UGT2B15: variants seen among roughly 807,000 people sequenced by gnomAD.
UGT2B15 encodes UDP-glucuronosyltransferase 2B15.
Under a neutral mutation model 45.9 loss-of-function variants are expected in UGT2B15, and 36 were observed. That is an observed-to-expected ratio of 0.78 (90% CI 0.60 to 1.04). UGT2B15 has a LOEUF of 1.04. UGT2B15 is among the 50% of genes least tolerant of loss of function. UGT2B15 has a pLI of 0.00. For synonymous variants in UGT2B15, 219 were observed against 216.4 expected, an observed-to-expected ratio of 1.01 and a Z score of -0.11; for missense variants, 617 against 622.4, an observed-to-expected ratio of 0.99 and a Z score of 0.09.
At chr4:68,653,199 A>G (rs1303524207) in intron 5 of UGT2B15, among the ~76,000 whole-genome samples, 7 of 152,094 alleles carry the variant, frequency 4.6e-5, no homozygotes, top group African/African-American at 7.2e-5. Context: ...CACGGAAAAT[A>G]TGTATAACAA....
intron 5 of UGT2B15, among the ~76,000 whole-genome samples, chr4:68,652,283 G>A (rs957560078): frequency 2.0e-5 from 3 of 151,952 alleles, no homozygotes; most frequent in Admixed American, 6.6e-5. Flanking sequence ...TTGGAGCTGC[G>A]ACAAAGGGGT....
intron 3 of UGT2B15, among the ~76,000 whole-genome samples, chr4:68,661,771 G>C (rs1279928693): frequency 6.6e-6 from 1 of 152,076 alleles, no homozygotes; most frequent in Non-Finnish European, 1.5e-5. Flanking sequence ...ACTATTATCA[G>C]TATTGCTACT....
chr4:68,652,615 C>G (rs188951695), intron 5 of UGT2B15, among the ~76,000 whole-genome samples: 1 of 151,314 alleles, frequency 6.6e-6, no homozygotes, highest in African/African-American at 2.4e-5. Flanking sequence ...CTAGGCACAG[C>G]ATTTTTCATA....
At chr4:68,659,462 G>A (rs1002535354) in intron 3 of UGT2B15, among the ~76,000 whole-genome samples, 10 of 151,948 alleles carry the variant, frequency 6.6e-5, no homozygotes, top group East Asian at 3.9e-4. Flanking sequence ...AATGGTGTTT[G>A]GTCTTTTTGA....
chr4:68,656,013 C>T (rs899859149), intron 3 of UGT2B15, among the ~76,000 whole-genome samples: 2 of 152,054 alleles, frequency 1.3e-5, no homozygotes, highest in Admixed American at 6.6e-5. Flanking sequence ...ACAAAGAAGA[C>T]AATTGGCTGA....
At chr4:68,655,251 A>C in intron 3 of UGT2B15, 69 bp from the exon 4 acceptor site, 1 of 1,539,330 alleles carries the variant, frequency 6.5e-7, no homozygotes, top group Non-Finnish European at 9.0e-7. Flanking sequence ...TAGAATTCTG[A>C]AGAGATTAAT....
chr4:68,669,343 A>C lies in UGT2B15; in HGVS notation c.724+552T>G, dbSNP rs140445113. On this transcript the variant is annotated intron_variant, in intron 1 of 5. Coordinates refer to ENST00000338206, the MANE Select transcript of UGT2B15 (RefSeq NM_001076.4). ...GAAATAATTGTCAACCTGTTATTGAAGGAATGTATAAACATTAGAAATCTC... is the reference window on the plus strand; with the variant it reads ...GAAATAATTGTCAACCTGTTATTGACGGAATGTATAAACATTAGAAATCTC... Among the ~76,000 whole-genome samples, 370 of 152,272 alleles carry C rather than the reference A, an allele frequency of 2.4e-3. 4 individuals are homozygous for C. Among genetic ancestry groups the C allele is most frequent in the African/African-American group, 8.5e-3 (355 of 41,570 alleles).
chr4:68,664,973 T>C (rs1246675731), intron 2 of UGT2B15, among the ~76,000 whole-genome samples: 1 of 152,142 alleles, frequency 6.6e-6, no homozygotes, highest in East Asian at 1.9e-4. Context: ...TAATGTAACT[T>C]GAGTTCAATG....
rs1463896929 is a variant in UGT2B15, at chr4:68,670,589, C to T, written c.30G>A (p.Leu10=). 3.2e-6 allele frequency: 5 copies of T among 1,586,744 alleles called. No individual in the cohort carries two copies. In the African/African-American group the frequency reaches 5.5e-5, roughly 17 times the overall value. The change falls in exon 1 of 6, where the codon CTG becomes CTA. Residue 10 remains leucine, a synonymous_variant. Coordinates refer to ENST00000338206, the MANE Select transcript of UGT2B15 (RefSeq NM_001076.4). MSLKWTSVF[L]LIQLSCYFSS... ...TAAAGTAACAACTGAGCTGTATCAG[C>T]AGAAAGACTGACGTCCATTTCAGAG...
chr4:68,670,585 T>C lies in UGT2B15; in HGVS notation c.34A>G (p.Ile12Val), dbSNP rs1733284762. The change falls in exon 1 of 6, where the codon ATA (isoleucine) becomes GTA (valine). Residue 12 changes from isoleucine (I) to valine (V), a missense_variant. This residue lies in a region of UGT2B15 where 351 missense variants were observed against 342.1 expected (regional missense o/e 1.03). Transcript: ENST00000338206. ...GAGCTAAAGTAACAACTGAGCTGTATCAGCAGAAAGACTGACGTCCATTTC... is the reference window on the plus strand; with the variant it reads ...GAGCTAAAGTAACAACTGAGCTGTACCAGCAGAAAGACTGACGTCCATTTC... ...SLKWTSVFLLIQLSCYFSSGS... is the reference protein window; with the variant it reads ...SLKWTSVFLLVQLSCYFSSGS... 1 of 1,591,248 alleles carries C rather than the reference T, an allele frequency of 6.3e-7. No individual in the cohort carries two copies. The highest frequency in any genetic ancestry group is 8.5e-7 in the Non-Finnish European group (1 of 1,174,438).
At position 68,647,284 on chromosome 4, in the gene UGT2B15, G is replaced by T. The variant is rs370554027; in HGVS notation, c.1413C>A (p.His471Gln). 22 of 1,613,966 alleles carry T rather than the reference G, an allele frequency of 1.4e-5. No homozygotes were observed. The East Asian group carries it at 3.8e-4, about 28-fold the overall frequency. The change falls in exon 6 of 6, where the codon CAC becomes CAA. Residue 471 changes from histidine to glutamine, a missense_variant. Around this residue, in one of 3 missense-constraint regions of UGT2B15, gnomAD observed 265 missense variants for 245.1 expected, o/e 1.08. Transcript: ENST00000338206. ...CGACTCGAAGGTGCTTGGCTCCTTT[G>T]TGGCGCATGACAAACTCAATCCAGA... ...AVFWIEFVMR[H>Q]KGAKHLRVAA...
chr4:68,655,588 G>T (rs1272401718), intron 3 of UGT2B15, among the ~76,000 whole-genome samples: 3 of 151,988 alleles, frequency 2.0e-5, no homozygotes, highest in Non-Finnish European at 2.9e-5. Context: ...ATTTCGAGAG[G>T]CTAATCAGAA....
intron 2 of UGT2B15, among the ~76,000 whole-genome samples, chr4:68,666,753 T>TATATATATATATATA (rs376549417): frequency 1.2e-5 from 1 of 86,166 alleles, no homozygotes; most frequent in African/African-American, 4.3e-5. Flanking sequence ...TATATATATA[T>TATATATATATATATA]TTTTTTTTTT....
rs1345313239 is a variant in UGT2B15, at chr4:68,658,760, C to T, written c.1006-3578G>A. 2.6e-5 allele frequency among the ~76,000 whole-genome samples: 4 copies of T among 152,092 alleles called. No individual in the cohort carries two copies. The East Asian group carries it at 7.7e-4, about 29-fold the overall frequency. ...AACCATAAAGGGTGTGAAATGGCAACACTATCCTTCAACTCATTTTCAACT... is the reference window on the plus strand; with the variant it reads ...AACCATAAAGGGTGTGAAATGGCAATACTATCCTTCAACTCATTTTCAACT... On this transcript the variant is annotated intron_variant, in intron 3 of 5. Coordinates refer to ENST00000338206, the MANE Select transcript of UGT2B15 (RefSeq NM_001076.4).
chr4:68,647,260 G>T lies in UGT2B15; in HGVS notation c.1437C>A (p.Val479=), dbSNP rs748597361. 1.2e-6 allele frequency: 2 copies of T among 1,613,984 alleles called. No individual in the cohort carries two copies. The highest frequency in any genetic ancestry group is 1.7e-6 in the Non-Finnish European group (2 of 1,179,938). Residue 479 remains valine (V), a synonymous_variant, in exon 6 of 6, where the codon GTC becomes GTA. Coordinates refer to ENST00000338206, the MANE Select transcript of UGT2B15 (RefSeq NM_001076.4). Reference sequence around the variant, plus strand: ...GGATCCAGGTGAGGTTGTGAGCTGCGACTCGAAGGTGCTTGGCTCCTTTGT... The same window carrying T: ...GGATCCAGGTGAGGTTGTGAGCTGCTACTCGAAGGTGCTTGGCTCCTTTGT... The part of the protein sequence containing the change: ...MRHKGAKHLR[V]AAHNLTWIQY...
At chr4:68,657,677 T>C (rs1487751205) in intron 3 of UGT2B15, among the ~76,000 whole-genome samples, 2 of 152,090 alleles carry the variant, frequency 1.3e-5, no homozygotes, top group African/African-American at 4.8e-5. Flanking sequence ...CCCTAGGTTG[T>C]CCTGCAAGCT....
intron 3 of UGT2B15, among the ~76,000 whole-genome samples, chr4:68,660,329 C>T (rs1419153236): frequency 6.6e-6 from 1 of 150,784 alleles, no homozygotes; most frequent in Non-Finnish European, 1.5e-5. Context: ...TTCTGACAGG[C>T]CCAGGAGCCC....
Position 68,654,111 on chromosome 4 carries a change from G to A in UGT2B15, c.1239C>T (p.Ala413=), listed in dbSNP as rs773687501. The A allele has an allele frequency of 1.9e-6, 3 of 1,613,414 alleles. No individual in the cohort carries two copies. The highest frequency in any genetic ancestry group is 1.1e-5 in the South Asian group (1 of 91,060). ...NIAHMKAKGA[A]LSVDIRTMSS... is the part of the protein sequence containing the mutation. The stretch of plus-strand genomic sequence containing the variant: ...ACATGGTCCTGATGTCCACACTGAG[G>A]GCTGCTCCCTTGGCTTTCATGTGAG... Residue 413 remains alanine, a synonymous_variant, in exon 5 of 6, where the codon GCC becomes GCT. Coordinates refer to ENST00000338206, the MANE Select transcript of UGT2B15 (RefSeq NM_001076.4).
chr4:68,650,033 A>G (rs1412314531), intron 5 of UGT2B15, among the ~76,000 whole-genome samples: 1 of 151,922 alleles, frequency 6.6e-6, no homozygotes, highest in African/African-American at 2.4e-5. Context: ...GGGTTTCACT[A>G]TGTTGGCCAG....
Sources: gnomAD v4.1 joint callset for allele counts (sites outside exome capture counted in the v4.1 genomes callset) on GRCh38, gnomAD v4.1.1 for gene constraint, gnomAD v4.1.1 regional missense constraint, MANE v1.5 for transcripts, NCBI Gene and HGNC (gene_info 2026-07-23, HGNC 2026-07-21) for gene names.